Variants in KDR observed in about 807,000 individuals in gnomAD.
The protein encoded by KDR is vascular endothelial growth factor receptor 2.
In KDR, 43 loss-of-function variants were observed where a neutral mutation model predicts 160.9. The observed-to-expected ratio is 0.27, with a 90% confidence interval of 0.21 to 0.34. The LOEUF (loss-of-function observed/expected upper bound fraction) is 0.34, where lower values mean the gene tolerates loss of function less well. Ranked by LOEUF, KDR falls within the 10% of genes least tolerant of loss-of-function variation. KDR has a pLI of 1.00. For missense variants in KDR, 1,469 were observed against 1,666.4 expected, an observed-to-expected ratio of 0.88 and a Z score of 2.06; for synonymous variants, 617 against 600.1, an observed-to-expected ratio of 1.03 and a Z score of -0.41.
chr4:55,091,497 G>C (rs1720017862), intron 22 of KDR, among the ~76,000 whole-genome samples: 1 of 152,068 alleles, frequency 6.6e-6, no homozygotes, highest in African/African-American at 2.4e-5. Context: ...TAAAAAAATG[G>C]TAATAATAAG....
At chr4:55,120,505 G>A (rs956218147) in intron 2 of KDR, among the ~76,000 whole-genome samples, 1 of 152,090 alleles carries the variant, frequency 6.6e-6, no homozygotes, top group Non-Finnish European at 1.5e-5. Context: ...CTAGCAAGTG[G>A]GGAAAGATGC....
intron 18 of KDR, 49 bp from the exon 19 acceptor site, chr4:55,096,391 C>G: frequency 7.3e-7 from 1 of 1,366,914 alleles, no homozygotes; most frequent in East Asian, 2.3e-5. Flanking sequence ...ACATTTCCTT[C>G]AATAATTGGG....
At position 55,110,569 on chromosome 4, in the gene KDR, A is replaced by T. The variant is rs1260008151; in HGVS notation, c.1092-3T>A. On this transcript the variant is annotated splice_polypyrimidine_tract_variant and splice_region_variant and intron_variant, in intron 8 of 29. Coordinates refer to ENST00000263923, the MANE Select transcript of KDR (RefSeq NM_002253.4). ...CAAGGGGTATTCCATTTTTATACCTATGAAAAAAAATTCTCAGGAATTAGT... is the reference window on the plus strand; with the variant it reads ...CAAGGGGTATTCCATTTTTATACCTTTGAAAAAAAATTCTCAGGAATTAGT... The T allele has an allele frequency of 6.2e-7, 1 of 1,613,778 alleles. No individual in the cohort carries two copies. The highest frequency in any genetic ancestry group is 1.1e-5 in the South Asian group (1 of 91,074).
At chr4:55,093,610 C>T (rs991660955) in intron 21 of KDR, among the ~76,000 whole-genome samples, 9 of 152,168 alleles carry the variant, frequency 5.9e-5, no homozygotes, top group African/African-American at 2.2e-4. Context: ...GAAGCCTAGA[C>T]CACCTCCCCA....
chr4:55,087,489 G>C, intron 27 of KDR, 118 bp downstream of exon 27: 1 of 890,176 alleles, frequency 1.1e-6, no homozygotes. Flanking sequence ...CAGGGCTAAG[G>C]TTATGTGGAA....
intron 1 of KDR, 38 bp downstream of exon 1, chr4:55,125,189 G>A (rs369301889): frequency 1.6e-5 from 26 of 1,591,298 alleles, no homozygotes; most frequent in Non-Finnish European, 2.1e-5. Context: ...GCCCTCACCC[G>A]ACCTGTCTGC....
chr4:55,121,481 G>A (rs1166422647), intron 1 of KDR, among the ~76,000 whole-genome samples: 1 of 152,190 alleles, frequency 6.6e-6, no homozygotes, highest in Non-Finnish European at 1.5e-5. Context: ...AAAGGATACG[G>A]GACATTGAAA....
chr4:55,117,466 C>T (rs1720763271), intron 3 of KDR, among the ~76,000 whole-genome samples: 1 of 152,156 alleles, frequency 6.6e-6, no homozygotes, highest in Non-Finnish European at 1.5e-5. Flanking sequence ...AGGAGGAGGG[C>T]ACAGAATTCT....
intron 28 of KDR, 48 bp downstream of exon 28, chr4:55,082,488 T>G (rs1265154614): frequency 1.5e-6 from 2 of 1,377,070 alleles, no homozygotes; most frequent in Admixed American, 3.4e-5. Context: ...TAGCTAGTGT[T>G]TCATCCTTTG....
chr4:55,118,861 A>C, intron 2 of KDR, 61 bp from the exon 3 acceptor site: 1 of 1,422,362 alleles, frequency 7.0e-7, no homozygotes, highest in Non-Finnish European at 9.9e-7. Flanking sequence ...GCTATTTCTA[A>C]GAAAAGAGAA....
chr4:55,109,634 A>G (rs929848401), intron 9 of KDR, among the ~76,000 whole-genome samples: 2 of 152,056 alleles, frequency 1.3e-5, no homozygotes, highest in African/African-American at 2.4e-5. Context: ...AACCTTGAAT[A>G]CTCTATGTCT....
chr4:55,114,350 A>C lies in KDR; in HGVS notation c.659-85T>G. ...ACAGATTTATTTTTTAAAGTAATGCAACTTTAAAACATGCCACATTGTTTT... is the reference window on the plus strand; with the variant it reads ...ACAGATTTATTTTTTAAAGTAATGCCACTTTAAAACATGCCACATTGTTTT... On this transcript the variant is annotated intron_variant, in intron 5 of 29. Coordinates refer to ENST00000263923, the MANE Select transcript of KDR (RefSeq NM_002253.4). 2.1e-6 allele frequency: 3 copies of C among 1,395,656 alleles called. No homozygotes were observed. In the Admixed American group the frequency reaches 5.2e-5, roughly 24 times the overall value. The allele number at this position is 1,395,656 out of a possible 1,614,324, so 86.5% of individuals were successfully genotyped here. A position where few individuals can be genotyped will look rare whatever the true frequency, so the allele number is the denominator to read the frequency against.
intron 3 of KDR, among the ~76,000 whole-genome samples, chr4:55,116,245 C>T (rs1461188718): frequency 6.6e-6 from 1 of 151,924 alleles, no homozygotes; most frequent in Non-Finnish European, 1.5e-5. Flanking sequence ...GGCAAAACCC[C>T]ATCTCTACGA....
chr4:55,108,784 CCTTT>C (rs1720504100), intron 9 of KDR, among the ~76,000 whole-genome samples: 2 of 151,474 alleles, frequency 1.3e-5, no homozygotes, highest in African/African-American at 4.9e-5. Context: ...CTCCCTTTTT[CCTTT>C]CTTTCTTTTT....
At chr4:55,117,611 T>C (rs1282037349) in intron 3 of KDR, among the ~76,000 whole-genome samples, 1 of 152,260 alleles carries the variant, frequency 6.6e-6, no homozygotes, top group Non-Finnish European at 1.5e-5. Flanking sequence ...AGCAGAGATA[T>C]GCAAGTGTGT....
In KDR at chr4:55,090,769, C is replaced by A. The variant is rs537147241; in HGVS notation, c.3070-691G>T. On this transcript the variant is annotated intron_variant, in intron 22 of 29. Coordinates refer to ENST00000263923, the MANE Select transcript of KDR (RefSeq NM_002253.4). ...CTTCAGCTAACTTCCTACTACTCGG[C>A]AGCTTTAGCTCCACATGATATTTTG... 1.0e-3 allele frequency among the ~76,000 whole-genome samples: 158 copies of A among 151,698 alleles called. 1 individual carries two copies. Among genetic ancestry groups the A allele is most frequent in the Admixed American group, 3.4e-3 (51 of 15,210 alleles).
intron 3 of KDR, 78 bp downstream of exon 3, chr4:55,118,526 A>T: frequency 1.8e-6 from 2 of 1,115,182 alleles, no homozygotes; most frequent in Non-Finnish European, 2.7e-6. Flanking sequence ...CCTTTGTTGT[A>T]CTCAATTCTT....
At chr4:55,116,413 G>A (rs913553532) in intron 3 of KDR, among the ~76,000 whole-genome samples, 11 of 107,732 alleles carry the variant, frequency 1.0e-4, no homozygotes, top group Admixed American at 4.2e-4. Context: ...GCAAAACTCC[G>A]TCTCAAAAAA....
At chr4:55,086,321 C>T (rs1339538717) in intron 27 of KDR, among the ~76,000 whole-genome samples, 1 of 152,128 alleles carries the variant, frequency 6.6e-6, no homozygotes. Context: ...CATTTTCAAA[C>T]AGCACCACTG....
Sources: gnomAD v4.1 joint callset for allele counts (sites outside exome capture counted in the v4.1 genomes callset) on GRCh38, gnomAD v4.1.1 for gene constraint, MANE v1.5 for transcripts, NCBI Gene and HGNC (gene_info 2026-07-23, HGNC 2026-07-21) for gene names.